Variants in PLXNA3 observed in about 807,000 individuals in gnomAD.
PLXNA3 encodes the protein plexin A3.
PLXNA3 carries 52 observed loss-of-function variants against 118.8 expected under a neutral mutation model. That is an observed-to-expected ratio of 0.44 (90% CI 0.35 to 0.55). The LOEUF (loss-of-function observed/expected upper bound fraction) is 0.55. PLXNA3 is among the 20% of genes least tolerant of loss of function. The probability of loss-of-function intolerance (pLI) is 0.01; values close to 1 mark genes in which losing one functional copy is unlikely to be tolerated. For synonymous variants in PLXNA3, 925 were observed against 762.4 expected, an observed-to-expected ratio of 1.21 and a Z score of -3.51; for missense variants, 1,660 against 1,730.8, an observed-to-expected ratio of 0.96 and a Z score of 0.73.
chrX:154,463,910 C>T (rs782387769), intron 6 of PLXNA3, 41 bp from the exon 7 acceptor site: 94 of 1,158,893 alleles, frequency 8.1e-5, no homozygotes, highest in Non-Finnish European at 1.0e-4. Context: ...TGGGCCCTCC[C>T]GGGGCAGTGG....
chrX:154,468,708 C>G lies in PLXNA3; in HGVS notation c.4266C>G (p.Phe1422Leu), dbSNP rs782271809. 2.0e-5 allele frequency: 24 copies of G among 1,210,471 alleles called. No individual in the cohort carries two copies. The South Asian group carries it at 3.7e-4, about 19-fold the overall frequency. Residue 1422 changes from phenylalanine to leucine, a missense_variant, in exon 24 of 33, where the codon TTC (phenylalanine) becomes TTG (leucine). Around this residue, in one of 2 missense-constraint regions of PLXNA3, gnomAD observed 869 missense variants for 1,078.7 expected, o/e 0.81. Coordinates refer to ENST00000369682, the MANE Select transcript of PLXNA3 (RefSeq NM_017514.5). ...AEKMLTNWFTFLLHKFLKECA... is the reference protein window; with the variant it reads ...AEKMLTNWFTLLLHKFLKECA... ...AGATGCTTACCAACTGGTTCACGTTCCTGCTGCATAAGTTTCTGAAGGTGC... is the reference window on the plus strand; with the variant it reads ...AGATGCTTACCAACTGGTTCACGTTGCTGCTGCATAAGTTTCTGAAGGTGC...
rs1430700669 is a variant in PLXNA3 at position 154,475,971 on chromosome X, C to A, written c.*3286C>A. Reference sequence around the variant, plus strand: ...ATCACTGGAGCCCAGGAGTTCAGGACCAGCCTGGGCAACAAAGCGAGATCC... The same window carrying A: ...ATCACTGGAGCCCAGGAGTTCAGGAACAGCCTGGGCAACAAAGCGAGATCC... On this transcript the variant is annotated 3_prime_UTR_variant, in exon 33 of 33. Transcript: ENST00000369682. The A allele has an allele frequency of 3.6e-5, 4 of 110,942 alleles. No homozygotes were observed. Among genetic ancestry groups the A allele is most frequent in the Non-Finnish European group, 5.7e-5 (3 of 52,923 alleles). The allele number at this position is 110,942 out of a possible 1,213,427, so 9.1% of individuals were successfully genotyped here. A position where few individuals can be genotyped will look rare whatever the true frequency, so the allele number is the denominator to read the frequency against.
At position 154,461,496 on chromosome X, in the gene PLXNA3, C is replaced by G; in HGVS notation, c.992C>G (p.Pro331Arg). The G allele has an allele frequency of 8.3e-7, 1 of 1,211,986 alleles. No homozygotes were observed. Among genetic ancestry groups the G allele is most frequent in the Non-Finnish European group, 1.1e-6 (1 of 895,513 alleles). ...FSQGQKNRAS[P>R]PRQTILCLFT... ...CAGGGCCAGAAGAACCGGGCCAGCC[C>G]ACCCCGGCAGACCATCCTCTGCCTC... Residue 331 changes from proline to arginine, a missense_variant, in exon 3 of 33, where the codon CCA becomes CGA. Physicochemically the swap from Pro to Arg is moderately radical, Grantham distance 103. Around this residue, in one of 2 missense-constraint regions of PLXNA3, gnomAD observed 791 missense variants for 652.1 expected, o/e 1.21. Coordinates refer to ENST00000369682, the MANE Select transcript of PLXNA3 (RefSeq NM_017514.5).
Position 154,461,249 on chromosome X carries a change from C to G in PLXNA3, c.745C>G (p.Leu249Val), listed in dbSNP as rs782235424. 8.2e-7 allele frequency: 1 copy of G among 1,212,630 alleles called. No individual in the cohort carries two copies. Among genetic ancestry groups the G allele is most frequent in the Non-Finnish European group, 1.1e-6 (1 of 895,579 alleles). The change falls in exon 3 of 33, where the codon CTG (leucine) becomes GTG (valine). Residue 249 changes from leucine to valine, a missense_variant. Transcript: ENST00000369682. ...LTLQLDTQQT[L>V]LDTAGEKFFT... is the part of the protein sequence containing the mutation. ...GCTGCAGCTGGACACCCAGCAGACG[C>G]TGTTGGACACAGCGGGCGAGAAATT...
At position 154,464,267 on chromosome X, in the gene PLXNA3, C is replaced by T. The variant is rs192147981; in HGVS notation, c.1782C>T (p.Cys594=). The part of the protein sequence containing the change: ...AVLLPSGELL[C]PSPSLQELRA... ...TGCTGCCCTCCGGTGAACTGCTCTG[C>T]CCCTCACCCTCCCTCCAGGAGCTCC... Residue 594 remains cysteine (C), a synonymous_variant, in exon 8 of 33, where the codon TGC becomes TGT. Coordinates refer to ENST00000369682, the MANE Select transcript of PLXNA3 (RefSeq NM_017514.5). 3.3e-6 allele frequency: 4 copies of T among 1,207,505 alleles called. No individual in the cohort carries two copies. The African/African-American group carries it at 6.9e-5, about 21-fold the overall frequency.
rs1349992966 is a variant in PLXNA3, at chrX:154,463,394, C to T, written c.1321C>T (p.Arg441Trp). 2 of 1,210,252 alleles carry T rather than the reference C, an allele frequency of 1.7e-6. No individual in the cohort carries two copies. Among genetic ancestry groups the T allele is most frequent in the Non-Finnish European group, 2.2e-6 (2 of 895,034 alleles). ...TCAGGCTGGTCTTGTGGCTCAGGTG[C>T]GGGTCGATGGCTTCCAGGATGCCCA... ...GTRSGSLKKV[R>W]VDGFQDAHLY... The change falls in exon 5 of 33, where the codon CGG becomes TGG. Residue 441 changes from arginine (R) to tryptophan (W), a missense_variant. Arg to Trp is a moderately radical substitution (Grantham distance 101). Coordinates refer to ENST00000369682, the MANE Select transcript of PLXNA3 (RefSeq NM_017514.5).
intron 4 of PLXNA3, 74 bp downstream of exon 4, chrX:154,462,384 G>C: frequency 1.2e-6 from 1 of 819,236 alleles, no homozygotes; most frequent in Non-Finnish European, 1.7e-6. Flanking sequence ...GGGAACACAC[G>C]GGAGAGCTCT....
At chrX:154,461,848 C>T (rs1295185847) in intron 3 of PLXNA3, among the ~76,000 whole-genome samples, 3 of 112,241 alleles carry the variant, frequency 2.7e-5, no homozygotes, top group East Asian at 2.8e-4. Flanking sequence ...TGCTTCCTTC[C>T]GTTCCCAGCT....
intron 9 of PLXNA3, 61 bp downstream of exon 9, chrX:154,464,562 C>A: frequency 1.0e-6 from 1 of 995,760 alleles, no homozygotes; most frequent in Non-Finnish European, 1.4e-6. Context: ...CTGGGACAGG[C>A]GACACCTTCA....
At chrX:154,460,125 G>T in intron 1 of PLXNA3, 32 bp from the exon 2 acceptor site, 1 of 816,619 alleles carries the variant, frequency 1.2e-6, no homozygotes, top group Non-Finnish European at 1.8e-6. Flanking sequence ...GTGGCTCGAG[G>T]CCTCTGACTC....
In PLXNA3 at chrX:154,460,505, C is replaced by T. The variant is rs782774035; in HGVS notation, c.322C>T (p.Arg108Cys). ...GCTGCTCATAGACTATGCGGCCCGC[C>T]GCCTGGTGGCCTGCGGCAGCATCTG... ...KLLLIDYAAR[R>C]LVACGSIWQG... Residue 108 changes from arginine to cysteine, a missense_variant, in exon 2 of 33, where the codon CGC becomes TGC. Physicochemically the swap from Arg to Cys is radical, Grantham distance 180. Transcript: ENST00000369682. The T allele has an allele frequency of 3.2e-5, 39 of 1,209,924 alleles. No homozygotes were observed. Among genetic ancestry groups the T allele is most frequent in the Non-Finnish European group, 3.8e-5 (34 of 894,603 alleles).
rs2069241127 is a variant in PLXNA3, at chrX:154,477,059, C to A, written c.*4374C>A. 1 of 111,844 alleles carries A rather than the reference C, an allele frequency of 8.9e-6. No homozygotes were observed. The highest frequency in any genetic ancestry group is 9.5e-5 in the Admixed American group (1 of 10,510). 9.2% of individuals were successfully genotyped at this position (111,844 alleles called of 1,213,427 possible). A position where few individuals can be genotyped will look rare whatever the true frequency, so the allele number is the denominator to read the frequency against. ...CCCAAGACCAGGGAAGGCCATCACC[C>A]CAGCAGGAGAGGATGAACGGTAACT... On this transcript the variant is annotated 3_prime_UTR_variant, in exon 33 of 33. Transcript: ENST00000369682.
rs183866269 is a variant in PLXNA3 at position 154,469,847 on chromosome X, C to T, written c.4795+63C>T. On this transcript the variant is annotated intron_variant, in intron 28 of 32. Coordinates refer to ENST00000369682, the MANE Select transcript of PLXNA3 (RefSeq NM_017514.5). ...GGGAACCCCCACTTCCAAGTGCCAT[C>T]GATTCTGTAGAGTGTAGACGGAGGG... 1.0e-4 allele frequency: 116 copies of T among 1,125,396 alleles called. No individual in the cohort carries two copies. In the Middle Eastern group the frequency reaches 3.6e-3, roughly 35 times the overall value. 92.7% of individuals were successfully genotyped at this position (1,125,396 alleles called of 1,213,427 possible). A position where few individuals can be genotyped will look rare whatever the true frequency, so the allele number is the denominator to read the frequency against.
chrX:154,468,610 C>G (rs782736332), intron 23 of PLXNA3, 51 bp downstream of exon 23: 1 of 1,207,120 alleles, frequency 8.3e-7, no homozygotes, highest in Admixed American at 2.2e-5. Flanking sequence ...CTGGGCCTGC[C>G]CCCTGTCCAA....
Position 154,465,670 on chromosome X carries a change from G to A in PLXNA3, c.2355G>A (p.Lys785=), listed in dbSNP as rs781783462. ...CTGTGCCTGCAGCCCTCCTGTACAA[G>A]TGCTGGGCGCAGCGGCCCAGCTGTG... ...KPPSFRALLY[K]CWAQRPSCGL... Residue 785 remains lysine (K), a synonymous_variant, in exon 13 of 33, where the codon AAG becomes AAA. Transcript: ENST00000369682. The A allele has an allele frequency of 8.3e-7, 1 of 1,208,946 alleles. No individual in the cohort carries two copies. Among genetic ancestry groups the A allele is most frequent in the African/African-American group, 1.7e-5 (1 of 57,837 alleles).
rs905346530 is a variant in PLXNA3 at position 154,468,067 on chromosome X, C to T, written c.3821-15C>T. ...CCTCCCTCCTGCCCACTCATTCCCT[C>T]TCTCCACCCCCCAGCTTTTGCAGAG... is the stretch of plus-strand genomic sequence containing the variant. On this transcript the variant is annotated splice_polypyrimidine_tract_variant and intron_variant, in intron 21 of 32. Transcript: ENST00000369682. 5 of 1,190,858 alleles carry T rather than the reference C, an allele frequency of 4.2e-6. No homozygotes were observed. The highest frequency in any genetic ancestry group is 4.5e-6 in the Non-Finnish European group (4 of 883,053).
rs2069215124 is a variant in PLXNA3, at chrX:154,473,652, G to T, written c.*967G>T. On this transcript the variant is annotated 3_prime_UTR_variant, in exon 33 of 33. Coordinates refer to ENST00000369682, the MANE Select transcript of PLXNA3 (RefSeq NM_017514.5). ...TGTTGGGGAAATGCCATCCATGTGG[G>T]GCTCTGTCCTTGGGGCAGGTCAGTA... 1 of 112,446 alleles carries T rather than the reference G, an allele frequency of 8.9e-6. No homozygotes were observed. The highest frequency in any genetic ancestry group is 1.9e-5 in the Non-Finnish European group (1 of 53,205). 9.3% of individuals were successfully genotyped at this position (112,446 alleles called of 1,213,427 possible).
chrX:154,461,065 T>C (rs782486669), intron 2 of PLXNA3, 34 bp from the exon 3 acceptor site: 14 of 1,144,762 alleles, frequency 1.2e-5, no homozygotes. Context: ...GCACAGGGCC[T>C]CACCGGATGC....
At position 154,464,830 on chromosome X, in the gene PLXNA3, G is replaced by A. The variant is rs2069049996; in HGVS notation, c.2005G>A (p.Glu669Lys). 1.2e-5 allele frequency: 14 copies of A among 1,207,130 alleles called. No homozygotes were observed. Among genetic ancestry groups the A allele is most frequent in the Middle Eastern group, 2.3e-4 (1 of 4,324 alleles). Residue 669 changes from glutamate (E) to lysine (K), a missense_variant, in exon 10 of 33, where the codon GAG becomes AAG. Physicochemically the swap from Glu to Lys is moderately conservative, Grantham distance 56. This residue lies in a region of PLXNA3 where 791 missense variants were observed against 652.1 expected (regional missense o/e 1.21). Transcript: ENST00000369682. ...YRHTCTSRPH[E>K]CSFQEGRVHS... is the part of the protein sequence containing the mutation. Reference sequence around the variant, plus strand: ...CCACACGTGTACCAGCCGCCCCCACGAGTGCTCCTTCCAGGAGGGCAGGGT... The same window carrying A: ...CCACACGTGTACCAGCCGCCCCCACAAGTGCTCCTTCCAGGAGGGCAGGGT...
Sources: gnomAD v4.1 joint callset for allele counts (sites outside exome capture counted in the v4.1 genomes callset) on GRCh38, gnomAD v4.1.1 for gene constraint, gnomAD v4.1.1 regional missense constraint, MANE v1.5 for transcripts, NCBI Gene and HGNC (gene_info 2026-07-23, HGNC 2026-07-21) for gene names.